Variants in HDAC4 observed in about 807,000 individuals in gnomAD.
HDAC4 encodes the protein histone deacetylase 4.
A neutral mutation model predicts 135.1 loss-of-function variants in HDAC4; 16 were observed. The observed-to-expected ratio is 0.12, with a 90% CI of 0.08 to 0.18. The LOEUF (loss-of-function observed/expected upper bound fraction) is 0.18, where lower values mean the gene tolerates loss of function less well. HDAC4 is among the 10% of genes least tolerant of loss of function. HDAC4 has a pLI of 1.00. For missense variants in HDAC4, 1,143 were observed against 1,511.8 expected (o/e 0.76, Z 4.05); for synonymous variants, 685 against 653.4 (o/e 1.05, Z -0.74).
At position 239,100,823 on chromosome 2, in the gene HDAC4, C is replaced by T. The variant is rs376021518; in HGVS notation, c.2233+1953G>A. Among the ~76,000 whole-genome samples, 255 of 152,212 alleles carry T rather than the reference C, an allele frequency of 1.7e-3. 2 individuals carry two copies. The highest frequency in any genetic ancestry group is 5.9e-3 in the African/African-American group (245 of 41,540). On this transcript the variant is annotated intron_variant, in intron 16 of 26. Transcript: ENST00000543185. ...GTGGGGAGGGGTAGGGGCTTGGCAT[C>T]CATGCCCTCATCTAGAGCAGCTGTC...
Position 239,313,526 on chromosome 2 carries a change from G to A in HDAC4, c.22+39152C>T, listed in dbSNP as rs2052985630. 6.6e-6 allele frequency among the ~76,000 whole-genome samples: 1 copy of A among 152,102 alleles called. No homozygotes were observed. Among genetic ancestry groups the A allele is most frequent in the South Asian group, 2.1e-4 (1 of 4,820 alleles). On this transcript the variant is annotated intron_variant, in intron 2 of 26. Coordinates refer to ENST00000543185, the MANE Select transcript of HDAC4 (RefSeq NM_001378414.1). This position sits in a 1 kb window ranked among gnomAD's most constrained non-coding sequence, Gnocchi z 5.1. ...TCTTCCTAACCTCACGAGAGGTGAT[G>A]ACCGGAATCATCCCAGTTTTCCATG...
intron 2 of HDAC4, among the ~76,000 whole-genome samples, chr2:239,295,609 C>A (rs2125560565): frequency 6.6e-6 from 1 of 152,300 alleles, no homozygotes; most frequent in African/African-American, 2.4e-5. Flanking sequence ...AAGGAGAAAG[C>A]TCTTGGCATT....
chr2:239,223,966 A>G (rs1267423802), intron 3 of HDAC4, among the ~76,000 whole-genome samples: 1 of 151,920 alleles, frequency 6.6e-6, no homozygotes, highest in Non-Finnish European at 1.5e-5. Flanking sequence ...ATGAATGCCC[A>G]GCGCAGGCCC....
intron 1 of HDAC4, among the ~76,000 whole-genome samples, chr2:239,389,816 C>A (rs2126097965): frequency 6.6e-6 from 1 of 152,330 alleles, no homozygotes; most frequent in Non-Finnish European, 1.5e-5. Context: ...GGCCAGTTCC[C>A]CAGCCGGCTT....
chr2:239,084,070 C>A, intron 20 of HDAC4, 85 bp downstream of exon 20: 1 of 935,156 alleles, frequency 1.1e-6, no homozygotes, highest in Non-Finnish European at 1.7e-6. Flanking sequence ...TCCAAGAGCC[C>A]AGCTCCTCTG....
At chr2:239,280,028 C>G (rs1407266317) in intron 2 of HDAC4, among the ~76,000 whole-genome samples, 3 of 152,178 alleles carry the variant, frequency 2.0e-5, no homozygotes, top group African/African-American at 7.2e-5. Flanking sequence ...GACAGCACCC[C>G]CCAACCCCAA....
chr2:239,336,159 A>C (rs1691922502), intron 2 of HDAC4, among the ~76,000 whole-genome samples: 1 of 152,250 alleles, frequency 6.6e-6, no homozygotes, highest in Non-Finnish European at 1.5e-5. Flanking sequence ...TGACGTTCAA[A>C]ACCAGGAGAA....
intron 1 of HDAC4, among the ~76,000 whole-genome samples, chr2:239,392,319 T>G (rs1441734915): frequency 6.6e-6 from 1 of 152,260 alleles, no homozygotes; most frequent in Non-Finnish European, 1.5e-5. Flanking sequence ...CCTTCTGACC[T>G]GGAGAGCCAA....
At chr2:239,058,733 G>A (rs773669018) in intron 24 of HDAC4, among the ~76,000 whole-genome samples, 3 of 152,216 alleles carry the variant, frequency 2.0e-5, no homozygotes, top group Non-Finnish European at 2.9e-5. Flanking sequence ...AGTAAAAATG[G>A]GTGCAATGGA....
At position 239,349,990 on chromosome 2, in the gene HDAC4, A is replaced by C. The variant is rs55962118; in HGVS notation, c.22+2688T>G. Among the ~76,000 whole-genome samples the C allele has an allele frequency of 0.24, 36,969 of 152,146 alleles. 5,179 individuals carry two copies. Among genetic ancestry groups the C allele is most frequent in the Non-Finnish European group, 0.33 (22,425 of 67,966 alleles). On this transcript the variant is annotated intron_variant, in intron 2 of 26. Transcript: ENST00000543185. This position sits in a 1 kb window ranked among gnomAD's most constrained non-coding sequence, Gnocchi z 5.7. ...TCACATGGGCAGGACAGGCCCGGGC[A>C]GGCCGGTGATCAAACTGAACCGCAG...
intron 22 of HDAC4, among the ~76,000 whole-genome samples, chr2:239,071,051 C>A (rs566396540): frequency 2.0e-5 from 3 of 151,436 alleles, no homozygotes; most frequent in African/African-American, 7.3e-5. Context: ...GGTTTCTCTT[C>A]AAAGCTCTTG....
chr2:239,053,846 C>T (rs1308999080), intron 25 of HDAC4, among the ~76,000 whole-genome samples: 2 of 152,160 alleles, frequency 1.3e-5, no homozygotes, highest in East Asian at 1.9e-4. Context: ...AGCAGGCCCA[C>T]CTAGGACTGC....
At chr2:239,169,398 C>G (rs2043311504) in intron 5 of HDAC4, among the ~76,000 whole-genome samples, 1 of 152,262 alleles carries the variant, frequency 6.6e-6, no homozygotes, top group South Asian at 2.1e-4. Flanking sequence ...ACAGGCCAGA[C>G]AAGTCAAAGC....
intron 16 of HDAC4, 27 bp downstream of exon 16, chr2:239,102,749 T>G: frequency 2.5e-6 from 4 of 1,613,282 alleles, no homozygotes; most frequent in Non-Finnish European, 2.5e-6. Context: ...AAACCCAATA[T>G]GGGAGGAAAG....
chr2:239,111,523 T>C lies in HDAC4; in HGVS notation c.1978+3A>G. 1 of 1,611,610 alleles carries C rather than the reference T, an allele frequency of 6.2e-7. No individual in the cohort carries two copies. The highest frequency in any genetic ancestry group is 8.5e-7 in the Non-Finnish European group (1 of 1,179,524). ...CTCAGGCTGCACAAAGGCCACGTGT[T>C]ACCTGTCGTGAACCTCGGCTTGGTG... On this transcript the variant is annotated splice_donor_region_variant and intron_variant, in intron 14 of 26. Coordinates refer to ENST00000543185, the MANE Select transcript of HDAC4 (RefSeq NM_001378414.1).
At chr2:239,066,920 A>G (rs1216624828) in intron 23 of HDAC4, 65 bp from the exon 24 acceptor site, 9 of 1,572,832 alleles carry the variant, frequency 5.7e-6, no homozygotes, top group Non-Finnish European at 7.8e-6. Context: ...CAGCCCAGAA[A>G]CGCGTCTCAT....
At chr2:239,335,024 C>CA (rs35641548) in intron 2 of HDAC4, among the ~76,000 whole-genome samples, 53,041 of 94,376 alleles carry the variant, frequency 0.56, 15,709 homozygotes, top group African/African-American at 0.63. Context: ...GACTCCATCT[C>CA]AAAAAAAAAA....
At position 239,163,346 on chromosome 2, in the gene HDAC4, C is replaced by T. The variant is rs1477085630; in HGVS notation, c.611+457G>A. 5.3e-5 allele frequency among the ~76,000 whole-genome samples: 8 copies of T among 152,338 alleles called. No individual in the cohort carries two copies. In the East Asian group the frequency reaches 1.5e-3, roughly 29 times the overall value. ...GTGGCTGAAAAATGGCACAACATTA[C>T]CAAGAGTAACGACAGGCACCAGCCT... On this transcript the variant is annotated intron_variant, in intron 6 of 26. Coordinates refer to ENST00000543185, the MANE Select transcript of HDAC4 (RefSeq NM_001378414.1).
chr2:239,121,336 G>T (rs769461887), intron 12 of HDAC4, among the ~76,000 whole-genome samples: 1 of 152,196 alleles, frequency 6.6e-6, no homozygotes, highest in Non-Finnish European at 1.5e-5. Context: ...ACAGATGAAT[G>T]GCGGTGGAGG....
Sources: gnomAD v4.1 joint callset for allele counts (sites outside exome capture counted in the v4.1 genomes callset) on GRCh38, gnomAD v4.1.1 for gene constraint, Gnocchi (gnomAD v3.1) non-coding constraint, MANE v1.5 for transcripts, NCBI Gene and HGNC (gene_info 2026-07-23, HGNC 2026-07-21) for gene names.